ITM2C: variants seen among roughly 807,000 people sequenced by gnomAD.
ITM2C encodes integral membrane protein 2C.
In ITM2C, 20 loss-of-function variants were observed where a neutral mutation model predicts 30.0. The observed-to-expected ratio is 0.67, with a 90% CI of 0.47 to 0.97. The LOEUF is 0.97. ITM2C is among the 50% of genes least tolerant of loss of function. The pLI is 0.00. For synonymous variants in ITM2C, 167 were observed against 156.4 expected, an observed-to-expected ratio of 1.07 and a Z score of -0.51; for missense variants, 366 against 371.9, an observed-to-expected ratio of 0.98 and a Z score of 0.13.
intron 4 of ITM2C, 33 bp downstream of exon 4, chr2:230,877,000 T>C (rs1190303797): frequency 7.2e-7 from 1 of 1,388,278 alleles, no homozygotes; most frequent in South Asian, 1.2e-5. Context: ...GTCTGCAGCA[T>C]CCTGTCCCTC....
chr2:230,870,771 G>C (rs1408144088), intron 1 of ITM2C, among the ~76,000 whole-genome samples: 1 of 152,238 alleles, frequency 6.6e-6, no homozygotes, highest in Non-Finnish European at 1.5e-5. Flanking sequence ...AGGCGGAAAG[G>C]CGAGGCTGCC....
chr2:230,865,037 T>C lies in ITM2C; in HGVS notation c.12T>C (p.Ile4=). Reference sequence around the variant, plus strand: ...GGGCCGGCGCAGCCATGGTGAAGATTAGCTTCCAGCCCGCCGTGGCTGGCA... The same window carrying C: ...GGGCCGGCGCAGCCATGGTGAAGATCAGCTTCCAGCCCGCCGTGGCTGGCA... MVK[I]SFQPAVAGIK... is the part of the protein sequence containing the mutation. The change falls in exon 1 of 6, where the codon ATT becomes ATC. Residue 4 remains isoleucine (I), a synonymous_variant. Transcript: ENST00000326427. The surrounding 1 kb of genome is among the most constrained non-coding windows in gnomAD (Gnocchi z 6.8). 6.6e-7 allele frequency: 1 copy of C among 1,522,790 alleles called. No individual in the cohort carries two copies. Among genetic ancestry groups the C allele is most frequent in the Non-Finnish European group, 8.9e-7 (1 of 1,129,304 alleles). 94.3% of individuals were successfully genotyped at this position (1,522,790 alleles called of 1,614,324 possible). A position where few individuals can be genotyped will look rare whatever the true frequency, so the allele number is the denominator to read the frequency against.
At chr2:230,875,943 C>A in intron 3 of ITM2C, 135 bp downstream of exon 3, 1 of 692,790 alleles carries the variant, frequency 1.4e-6, no homozygotes, top group Non-Finnish European at 2.4e-6. Flanking sequence ...GTCTTCAAGA[C>A]ACTGCTTTTC....
Position 230,877,275 on chromosome 2 carries a change from C to T in ITM2C, c.562-125C>T. 1.1e-6 allele frequency: 1 copy of T among 940,616 alleles called. No individual in the cohort carries two copies. Among genetic ancestry groups the T allele is most frequent in the Non-Finnish European group, 1.6e-6 (1 of 614,676 alleles). The allele number at this position is 940,616 out of a possible 1,614,324, so 58.3% of individuals were successfully genotyped here. A position where few individuals can be genotyped will look rare whatever the true frequency, so the allele number is the denominator to read the frequency against. On this transcript the variant is annotated intron_variant, in intron 4 of 5. Coordinates refer to ENST00000326427, the MANE Select transcript of ITM2C (RefSeq NM_030926.6). The surrounding 1 kb of genome is among the most constrained non-coding windows in gnomAD (Gnocchi z 4.8). ...AGGCACCGGGCACAGGCAGGAAGTG[C>T]CTGAGGACATCAGAAGGGCCAGCCC...
intron 1 of ITM2C, among the ~76,000 whole-genome samples, chr2:230,872,940 C>T (rs1229911788): frequency 2.6e-5 from 4 of 152,128 alleles, no homozygotes; most frequent in African/African-American, 7.2e-5. Flanking sequence ...AAAGCCTTCC[C>T]GGGCTCCCCA....
chr2:230,871,064 G>A (rs1187471764), intron 1 of ITM2C, among the ~76,000 whole-genome samples: 1 of 152,210 alleles, frequency 6.6e-6, no homozygotes, highest in Non-Finnish European at 1.5e-5. Flanking sequence ...CCTTTACAAA[G>A]GGCTTTTAGG....
At chr2:230,867,424 G>A (rs1191027995) in intron 1 of ITM2C, among the ~76,000 whole-genome samples, 2 of 152,140 alleles carry the variant, frequency 1.3e-5, no homozygotes, top group African/African-American at 4.8e-5. Context: ...CTCGTCTCCT[G>A]CCCCCAGCAG....
chr2:230,871,434 TG>T (rs1697161827), intron 1 of ITM2C, among the ~76,000 whole-genome samples: 1 of 152,190 alleles, frequency 6.6e-6, no homozygotes, highest in African/African-American at 2.4e-5. Context: ...GGGAGTCCAT[TG>T]GAAAACCAAA....
Position 230,873,553 on chromosome 2 carries a change from C to T in ITM2C, c.257C>T (p.Ala86Val), listed in dbSNP as rs1313203645. ...SVYIYRYFFL[A>V]QLARDNFFRC... ...TACATCTACAGATACTTCTTCCTTG[C>T]GCAGGTGAGGGGCCGGGCCAGGTAG... The change falls in exon 2 of 6, where the codon GCG (alanine) becomes GTG (valine). Residue 86 changes from alanine to valine, a missense_variant. Physicochemically the swap from Ala to Val is moderately conservative, Grantham distance 64. Transcript: ENST00000326427. 5 of 1,604,846 alleles carry T rather than the reference C, an allele frequency of 3.1e-6. No individual in the cohort carries two copies. Among genetic ancestry groups the T allele is most frequent in the South Asian group, 1.1e-5 (1 of 89,140 alleles).
chr2:230,876,963 TG>T lies in ITM2C; in HGVS notation c.558del (p.Lys187ArgfsTer110), dbSNP rs1164779212. On this transcript the variant is annotated frameshift_variant, in exon 4 of 6. Coordinates refer to ENST00000326427, the MANE Select transcript of ITM2C (RefSeq NM_030926.6). LOFTEE classifies it high-confidence loss of function. ...AACTTCTGGGAGCTCCTCATGAACG[TG>T]AAGGTGCGCAGGGGGTTGGGGGGAT... is the stretch of plus-strand genomic sequence containing the variant. Reference protein sequence around the residue: ...PRNFWELLMNVKRGTYLPQTY... With the variant: ...PRNFWELLMNXKRGTYLPQTY... 6.2e-7 allele frequency: 1 copy of T among 1,606,864 alleles called. No homozygotes were observed.
At chr2:230,866,562 G>A (rs1007873735) in intron 1 of ITM2C, among the ~76,000 whole-genome samples, 1 of 152,158 alleles carries the variant, frequency 6.6e-6, no homozygotes, top group Non-Finnish European at 1.5e-5. Context: ...CCACCTAGGC[G>A]AGGTTGGGGG....
chr2:230,865,097 G>T lies in ITM2C; in HGVS notation c.72G>T (p.Ser24=). The change falls in exon 1 of 6, where the codon TCG becomes TCT. Residue 24 remains serine, a synonymous_variant. Coordinates refer to ENST00000326427, the MANE Select transcript of ITM2C (RefSeq NM_030926.6). This position sits in a 1 kb window ranked among gnomAD's most constrained non-coding sequence, Gnocchi z 6.8. Reference sequence around the variant, plus strand: ...ACAAGGCTGACAAGGCGTCGGCGTCGGCCCCTGCGCCGGCCTCGGCCACCG... The same window carrying T: ...ACAAGGCTGACAAGGCGTCGGCGTCTGCCCCTGCGCCGGCCTCGGCCACCG... ...KGDKADKASA[S]APAPASATEI... is the part of the protein sequence containing the mutation. 1.3e-6 allele frequency: 2 copies of T among 1,522,200 alleles called. No individual in the cohort carries two copies. The highest frequency in any genetic ancestry group is 1.8e-6 in the Non-Finnish European group (2 of 1,130,900). The allele number at this position is 1,522,200 out of a possible 1,614,324, so 94.3% of individuals were successfully genotyped here.
chr2:230,868,869 T>A (rs2125015571), intron 1 of ITM2C, among the ~76,000 whole-genome samples: 1 of 152,334 alleles, frequency 6.6e-6, no homozygotes, highest in East Asian at 1.9e-4. Context: ...TCCAGGTCCT[T>A]CCCTGTGGCA....
chr2:230,873,188 G>C (rs1268394930), intron 1 of ITM2C: 1 of 437,590 alleles, frequency 2.3e-6, no homozygotes, highest in African/African-American at 2.0e-5. Flanking sequence ...TTTCTCTTTC[G>C]AGGTGTGTCT....
chr2:230,865,081 A>T lies in ITM2C; in HGVS notation c.56A>T (p.Asp19Val). The T allele has an allele frequency of 6.5e-7, 1 of 1,538,448 alleles. No individual in the cohort carries two copies. The highest frequency in any genetic ancestry group is 8.8e-7 in the Non-Finnish European group (1 of 1,139,954). ...AVAGIKGDKA[D>V]KASASAPAPA... is the part of the protein sequence containing the mutation. ...GCTGGCATCAAGGGCGACAAGGCTG[A>T]CAAGGCGTCGGCGTCGGCCCCTGCG... Residue 19 changes from aspartate to valine, a missense_variant, in exon 1 of 6, where the codon GAC becomes GTC. By Grantham distance (152) the Asp-to-Val change is radical. Coordinates refer to ENST00000326427, the MANE Select transcript of ITM2C (RefSeq NM_030926.6). The surrounding 1 kb of genome is among the most constrained non-coding windows in gnomAD (Gnocchi z 6.8).
chr2:230,867,865 G>A (rs1697066682), intron 1 of ITM2C, among the ~76,000 whole-genome samples: 1 of 152,050 alleles, frequency 6.6e-6, no homozygotes, highest in Admixed American at 6.5e-5. Context: ...CACCATGTTG[G>A]CCAGACTGGT....
Position 230,875,684 on chromosome 2 carries a change from G to A in ITM2C, c.326G>A (p.Arg109Gln), listed in dbSNP as rs142466685. ...GAGGACTCCCTGTCCTCCCAGGTCC[G>A]GACTCAGATGGAGCTGGAAGAGGAT... ...LYEDSLSSQV[R>Q]TQMELEEDVK... The change falls in exon 3 of 6, where the codon CGG becomes CAG. Residue 109 changes from arginine to glutamine, a missense_variant. Coordinates refer to ENST00000326427, the MANE Select transcript of ITM2C (RefSeq NM_030926.6). 25 of 1,613,740 alleles carry A rather than the reference G, an allele frequency of 1.5e-5. No individual in the cohort carries two copies. In the African/African-American group the frequency reaches 1.9e-4, roughly 12 times the overall value.
At chr2:230,869,221 G>C (rs950028096) in intron 1 of ITM2C, among the ~76,000 whole-genome samples, 22 of 152,210 alleles carry the variant, frequency 1.4e-4, no homozygotes, top group Admixed American at 1.3e-3. Context: ...GGATGGAAGA[G>C]AAGAGGGAAT....
intron 1 of ITM2C, among the ~76,000 whole-genome samples, chr2:230,872,219 G>A (rs1347646786): frequency 1.3e-5 from 2 of 152,236 alleles, no homozygotes; most frequent in Non-Finnish European, 2.9e-5. Flanking sequence ...AGTCCGCAGG[G>A]ACTGACCTCT....
Sources: gnomAD v4.1 joint callset for allele counts (sites outside exome capture counted in the v4.1 genomes callset) on GRCh38, gnomAD v4.1.1 for gene constraint, Gnocchi (gnomAD v3.1) non-coding constraint, MANE v1.5 for transcripts, NCBI Gene and HGNC (gene_info 2026-07-23, HGNC 2026-07-21) for gene names.